AGBL4: variants seen among roughly 807,000 people sequenced by gnomAD.
The protein encoded by AGBL4 is cytosolic carboxypeptidase 6.
A neutral mutation model predicts 66.4 loss-of-function variants in AGBL4; 58 were observed. The observed-to-expected ratio is 0.87, with a 90% CI of 0.71 to 1.09. The LOEUF is 1.09. Among genes scored for constraint, AGBL4 ranks in the 50% least tolerant of loss-of-function variants. The pLI is 0.00. For missense variants in AGBL4, 579 were observed against 631.0 expected (o/e 0.92, Z 0.88); for synonymous variants, 234 against 222.9 (o/e 1.05, Z -0.44).
chr1:48,645,154 G>C (rs1052351525), intron 8 of AGBL4, among the ~76,000 whole-genome samples: 1 of 152,188 alleles, frequency 6.6e-6, no homozygotes. Context: ...GCACTTGTGG[G>C]TTAGACACCT....
intron 11 of AGBL4, among the ~76,000 whole-genome samples, chr1:48,583,594 C>T (rs577000943): frequency 2.0e-4 from 31 of 152,272 alleles, no homozygotes; most frequent in African/African-American, 7.5e-4. Context: ...GTGTGAAGGT[C>T]CTTGGTCCCT....
At chr1:49,313,841 T>C (rs1410055110) in intron 3 of AGBL4, among the ~76,000 whole-genome samples, 2 of 152,350 alleles carry the variant, frequency 1.3e-5, no homozygotes, top group East Asian at 1.9e-4. Flanking sequence ...GATGATAGTT[T>C]GTTTTGCTGG....
intron 3 of AGBL4, among the ~76,000 whole-genome samples, chr1:49,459,897 C>T (rs1646474009): frequency 2.0e-5 from 3 of 151,388 alleles, no homozygotes; most frequent in African/African-American, 7.3e-5. Context: ...TTTAAATTTC[C>T]ATCTTGATTT....
intron 1 of AGBL4, among the ~76,000 whole-genome samples, chr1:49,880,479 C>T (rs912378529): frequency 3.3e-5 from 5 of 152,024 alleles, no homozygotes; most frequent in East Asian, 3.9e-4. Flanking sequence ...GCTTGGGGGT[C>T]GGGGTCAGGG....
At chr1:48,771,528 G>A (rs2148694284) in intron 6 of AGBL4, among the ~76,000 whole-genome samples, 1 of 152,264 alleles carries the variant, frequency 6.6e-6, no homozygotes, top group Admixed American at 6.5e-5. Flanking sequence ...ACCCTCAATG[G>A]TTAACATCCC....
At chr1:49,529,446 G>A (rs1001767865) in intron 3 of AGBL4, among the ~76,000 whole-genome samples, 15 of 152,180 alleles carry the variant, frequency 9.9e-5, no homozygotes, top group Admixed American at 4.6e-4. Flanking sequence ...TTGGGAGGCC[G>A]AGCAGGCAGA....
intron 2 of AGBL4, among the ~76,000 whole-genome samples, chr1:49,806,753 G>A (rs1372497713): frequency 6.6e-6 from 1 of 152,138 alleles, no homozygotes; most frequent in African/African-American, 2.4e-5. Context: ...GCCAGGACCT[G>A]GGGGACAGAA....
chr1:48,825,755 A>T (rs750888563), intron 6 of AGBL4, among the ~76,000 whole-genome samples: 4 of 152,196 alleles, frequency 2.6e-5, no homozygotes, highest in Non-Finnish European at 5.9e-5. Context: ...CCAAGTGAAA[A>T]ACTCAGAGCA....
intron 1 of AGBL4, among the ~76,000 whole-genome samples, chr1:50,000,975 TG>T (rs1161491713): frequency 1.3e-5 from 2 of 151,926 alleles, no homozygotes; most frequent in Non-Finnish European, 2.9e-5. Flanking sequence ...GCTTGGGTGA[TG>T]GGTGCACCAA....
Position 48,929,094 on chromosome 1 carries a change from C to T in AGBL4, c.595-61864G>A, listed in dbSNP as rs138791073. Among the ~76,000 whole-genome samples the T allele has an allele frequency of 1.2e-3, 189 of 152,328 alleles. 3 individuals are homozygous for T. The highest frequency in any genetic ancestry group is 4.1e-3 in the Admixed American group (63 of 15,296). The stretch of plus-strand genomic sequence containing the variant: ...CTCCAGACCTGGATCCTTCTCTTGC[C>T]CTTTGGCTGGCATGTCTCTGAGATG... On this transcript the variant is annotated intron_variant, in intron 5 of 13. Coordinates refer to ENST00000371839, the MANE Select transcript of AGBL4 (RefSeq NM_032785.4).
chr1:48,685,515 C>T (rs573339456), intron 6 of AGBL4, among the ~76,000 whole-genome samples: 197 of 152,178 alleles, frequency 1.3e-3, no homozygotes, highest in South Asian at 3.7e-3. Context: ...TGTGGGCAGG[C>T]GGGTTAATCT....
chr1:49,874,532 G>A (rs1341597887), intron 1 of AGBL4, among the ~76,000 whole-genome samples: 2 of 152,016 alleles, frequency 1.3e-5, no homozygotes, highest in East Asian at 3.9e-4. Flanking sequence ...ATAGAATTAA[G>A]TCTACTTATT....
At chr1:49,768,230 A>G (rs1289249261) in intron 2 of AGBL4, among the ~76,000 whole-genome samples, 1 of 152,144 alleles carries the variant, frequency 6.6e-6, no homozygotes, top group Non-Finnish European at 1.5e-5. Context: ...AAAACAAGAA[A>G]ACTGCAGGTT....
At chr1:48,633,477 A>G (rs1645622568) in intron 9 of AGBL4, among the ~76,000 whole-genome samples, 1 of 152,186 alleles carries the variant, frequency 6.6e-6, no homozygotes, top group Admixed American at 6.5e-5. Flanking sequence ...TGAAGTTGGA[A>G]GGGACTCAAA....
intron 3 of AGBL4, among the ~76,000 whole-genome samples, chr1:49,347,292 C>T (rs1291358240): frequency 6.7e-6 from 1 of 148,936 alleles, no homozygotes; most frequent in African/African-American, 2.5e-5. Flanking sequence ...TGCTCTGTCA[C>T]CCAGGCTGGA....
At chr1:49,634,546 T>G (rs183056711) in intron 3 of AGBL4, among the ~76,000 whole-genome samples, 1 of 152,194 alleles carries the variant, frequency 6.6e-6, no homozygotes, top group African/African-American at 2.4e-5. Flanking sequence ...GTCTTTATGG[T>G]AGAATGATTT....
At chr1:49,983,275 T>C (rs112547051) in intron 1 of AGBL4, among the ~76,000 whole-genome samples, 4,292 of 152,294 alleles carry the variant, frequency 0.028, 172 homozygotes, top group African/African-American at 0.098. Context: ...GGCTCTGCAG[T>C]TCCTGACGTC....
At chr1:49,945,559 A>G (rs1044572427) in intron 1 of AGBL4, among the ~76,000 whole-genome samples, 11 of 152,144 alleles carry the variant, frequency 7.2e-5, no homozygotes, top group Non-Finnish European at 1.5e-4. Flanking sequence ...AGAACTGCTA[A>G]AAAGAGCTCT....
At chr1:48,759,299 G>A (rs773286114) in intron 6 of AGBL4, 6 of 1,550,266 alleles carry the variant, frequency 3.9e-6, no homozygotes, top group East Asian at 2.4e-5. Flanking sequence ...GTAGGACAAC[G>A]AGAATCAGTT....
Sources: gnomAD v4.1 joint callset for allele counts (sites outside exome capture counted in the v4.1 genomes callset) on GRCh38, gnomAD v4.1.1 for gene constraint, MANE v1.5 for transcripts, NCBI Gene and HGNC (gene_info 2026-07-23, HGNC 2026-07-21) for gene names.